The following POLI variants were observed in gnomAD, a reference collection of about 807,000 sequenced individuals.
POLI encodes DNA polymerase iota, also known as RAD30 homolog B.
POLI carries 58 observed loss-of-function variants against 51.6 expected under a neutral mutation model. The ratio of observed to expected loss-of-function variants is 1.12; its 90% confidence interval spans 0.91 to 1.40. The LOEUF is 1.40. Among genes scored for constraint, POLI ranks in the 40% most tolerant of loss-of-function variants. The pLI is 0.00. For synonymous variants in POLI, 322 were observed against 299.7 expected (o/e 1.07, Z -0.77); for missense variants, 921 against 871.3 (o/e 1.06, Z -0.72).
Position 54,280,677 on chromosome 18 carries a change from G to C in POLI, c.570G>C (p.Leu190=). 6.2e-7 allele frequency: 1 copy of C among 1,608,752 alleles called. No individual in the cohort carries two copies. The highest frequency in any genetic ancestry group is 8.5e-7 in the Non-Finnish European group (1 of 1,175,214). The change falls in exon 5 of 10, where the codon CTG becomes CTC. Residue 190 remains leucine (L), a synonymous_variant. Transcript: ENST00000579534. The part of the protein sequence containing the change: ...GHVYNNQSIN[L]LDVLHIRLLV... ...TTGTTGTTTTTAAAGCTATAAACCT[G>C]CTTGACGTCTTGCACATCAGACTAC...
chr18:54,301,477 T>C (rs762596498), downstream of POLI, among the ~76,000 whole-genome samples: 5 of 152,276 alleles, frequency 3.3e-5, no homozygotes, highest in Non-Finnish European at 7.4e-5. Context: ...CTTAAAAATT[T>C]TCAACTTCAT....
At chr18:54,320,688 G>A (rs894599977) in intron 4 of POLI, among the ~76,000 whole-genome samples, 10 of 152,114 alleles carry the variant, frequency 6.6e-5, no homozygotes, top group Admixed American at 2.6e-4. Context: ...TATTAATAAC[G>A]TAAACACATT....
intron 7 of POLI, 80 bp from the exon 8 acceptor site, chr18:54,287,201 T>C: frequency 9.6e-7 from 1 of 1,037,954 alleles, no homozygotes; most frequent in Non-Finnish European, 1.4e-6. Flanking sequence ...ATCTGGCACC[T>C]TTAGATAAAT....
intron 3 of POLI, among the ~76,000 whole-genome samples, chr18:54,312,199 G>T (rs1400049915): frequency 1.3e-5 from 2 of 152,058 alleles, no homozygotes; most frequent in African/African-American, 4.8e-5. Flanking sequence ...GTGAGAAAAC[G>T]CAGTATTTGA....
intron 4 of POLI, among the ~76,000 whole-genome samples, chr18:54,279,241 CTTTTTTTTTT>C (rs769828054): frequency 3.4e-5 from 4 of 119,116 alleles, no homozygotes; most frequent in African/African-American, 1.3e-4. Flanking sequence ...TATGTCTTTT[CTTTTTTTTTT>C]TTTTTTTTTG....
At chr18:54,312,260 A>T (rs994826760) in intron 3 of POLI, among the ~76,000 whole-genome samples, 2 of 152,110 alleles carry the variant, frequency 1.3e-5, no homozygotes, top group African/African-American at 4.8e-5. Context: ...AGTGGCATCC[A>T]TGTTGCTGCA....
intron 7 of POLI, 128 bp from the exon 8 acceptor site, chr18:54,287,153 T>G: frequency 1.7e-6 from 1 of 571,832 alleles, no homozygotes; most frequent in South Asian, 2.3e-5. Context: ...CTTACTATTT[T>G]GTTATCTGCT....
At position 54,311,150 on chromosome 18, in the gene POLI, T is replaced by C. The variant is rs555508382; in HGVS notation, c.334-9123T>C. 648 of 966,146 alleles carry C rather than the reference T, an allele frequency of 6.7e-4. 1 individual carries two copies. Among genetic ancestry groups the C allele is most frequent in the Non-Finnish European group, 7.3e-4 (590 of 812,300 alleles). 59.8% of individuals were successfully genotyped at this position (966,146 alleles called of 1,614,324 possible). ...CACCCTGCCACTTCTTCTTGAAATC[T>C]GGAAAGCTGGAGAAGTTACTGACAA... On this transcript the variant is annotated intron_variant, in intron 3 of 4. Coordinates refer to the POLI transcript ENST00000579823.
At chr18:54,320,065 T>C (rs2088774534) in intron 3 of POLI, among the ~76,000 whole-genome samples, 1 of 152,204 alleles carries the variant, frequency 6.6e-6, no homozygotes, top group Middle Eastern at 3.2e-3. Context: ...ATTAGGCATA[T>C]TCTAAATCAT....
intron 8 of POLI, among the ~76,000 whole-genome samples, chr18:54,289,371 T>C (rs2087891226): frequency 6.6e-6 from 1 of 151,958 alleles, no homozygotes; most frequent in Non-Finnish European, 1.5e-5. Context: ...TGGAGAGGGC[T>C]TAAAAAATTT....
rs1298324252 is a variant in POLI at position 54,294,235 on chromosome 18, G to T, written c.1991G>T (p.Ser664Ile). 3 of 1,613,682 alleles carry T rather than the reference G, an allele frequency of 1.9e-6. No homozygotes were observed. In the South Asian group the frequency reaches 3.3e-5, roughly 18 times the overall value. The change falls in exon 10 of 10, where the codon AGT becomes ATT. Residue 664 changes from serine to isoleucine, a missense_variant. Coordinates refer to ENST00000579534, the MANE Select transcript of POLI (RefSeq NM_007195.3). ...SAFHSFPNLQSEQLFSRNHTT... is the reference protein window; with the variant it reads ...SAFHSFPNLQIEQLFSRNHTT... ...TTTCATTCATTTCCAAACTTGCAGA[G>T]TGAGCAACTTTTCTCCAGAAACCAC...
Position 54,277,839 on chromosome 18 carries a change from T to C in POLI, c.543T>C (p.His181=). The change falls in exon 4 of 10, where the codon CAT becomes CAC. Residue 181 remains histidine, a synonymous_variant. Transcript: ENST00000579534. ...TTTCTGCGGTGACTGTGTCGGGTCA[T>C]GTATACAATAATCAGTGTGAGTGGG... ...DELSAVTVSG[H]VYNNQSINLL... 1.2e-6 allele frequency: 2 copies of C among 1,612,066 alleles called. No homozygotes were observed. Among genetic ancestry groups the C allele is most frequent in the Non-Finnish European group, 8.5e-7 (1 of 1,178,736 alleles).
At chr18:54,270,181 G>T (rs979262614) in intron 1 of POLI, 4 of 247,638 alleles carry the variant, frequency 1.6e-5, no homozygotes, top group Non-Finnish European at 2.6e-5. Context: ...TAAAGGCACC[G>T]GTTCTCATTT....
intron 3 of POLI, among the ~76,000 whole-genome samples, chr18:54,305,181 G>A (rs1461476151): frequency 6.6e-6 from 1 of 152,172 alleles, no homozygotes; most frequent in Admixed American, 6.5e-5. Flanking sequence ...AGTGTAGTTT[G>A]AAGTCAGGTA....
chr18:54,305,914 A>G (rs1031752634), intron 3 of POLI, among the ~76,000 whole-genome samples: 49 of 152,108 alleles, frequency 3.2e-4, no homozygotes, highest in Middle Eastern at 6.8e-3. Context: ...GCCTGCCACT[A>G]CGCCTGGCTA....
In POLI at chr18:54,291,974, G is replaced by A; in HGVS notation, c.1340G>A (p.Gly447Glu). 1.2e-6 allele frequency: 2 copies of A among 1,611,328 alleles called. No homozygotes were observed. The highest frequency in any genetic ancestry group is 1.7e-6 in the Non-Finnish European group (2 of 1,178,344). The change falls in exon 9 of 10, where the codon GGG (glycine) becomes GAG (glutamate). Residue 447 changes from glycine to glutamate, a missense_variant. By Grantham distance (98) the Gly-to-Glu change is moderately conservative. Coordinates refer to ENST00000579534, the MANE Select transcript of POLI (RefSeq NM_007195.3). ...AAAGCACTAAATACTGCTAAGAAAG[G>A]GCTTATTGATTATTATTTAATGCCA... is the stretch of plus-strand genomic sequence containing the variant. ...NLKALNTAKKGLIDYYLMPSL... is the reference protein window; with the variant it reads ...NLKALNTAKKELIDYYLMPSL...
intron 3 of POLI, among the ~76,000 whole-genome samples, chr18:54,316,807 C>G (rs1317835684): frequency 6.6e-6 from 1 of 152,156 alleles, no homozygotes; most frequent in Non-Finnish European, 1.5e-5. Flanking sequence ...ACCTTATGAA[C>G]TTTTGGCTTA....
At position 54,294,459 on chromosome 18, in the gene POLI, C is replaced by T; in HGVS notation, c.2215C>T (p.His739Tyr). 1 of 1,582,362 alleles carries T rather than the reference C, an allele frequency of 6.3e-7. No homozygotes were observed. The highest frequency in any genetic ancestry group is 1.2e-5 in the South Asian group (1 of 85,388). ...AGCAGGATCAGATTTCCACATTGGA[C>T]ATAAATAAGCATATTCAGCAAAAAG... is the stretch of plus-strand genomic sequence containing the variant. ...KRAGSDFHIG[H>Y]K Residue 739 changes from histidine to tyrosine, a missense_variant, in exon 10 of 10, where the codon CAT (histidine) becomes TAT (tyrosine). By Grantham distance (83) the His-to-Tyr change is moderately conservative. Transcript: ENST00000579534.
intron 4 of POLI, 81 bp from the exon 5 acceptor site, chr18:54,280,585 GC>G: frequency 1.2e-6 from 1 of 834,638 alleles, no homozygotes; most frequent in Non-Finnish European, 2.0e-6. Flanking sequence ...TATAGACTAA[GC>G]CCTCTACCTT....
Sources: gnomAD v4.1 joint callset for allele counts (sites outside exome capture counted in the v4.1 genomes callset) on GRCh38, gnomAD v4.1.1 for gene constraint, MANE v1.5 for transcripts, NCBI Gene and HGNC (gene_info 2026-07-23, HGNC 2026-07-21) for gene names.